Variants in CACNA1E observed in about 807,000 individuals in gnomAD.
CACNA1E encodes the protein voltage-dependent R-type calcium channel subunit alpha-1E.
A neutral mutation model predicts 259.2 loss-of-function variants in CACNA1E; 40 were observed. The observed-to-expected ratio is 0.15, with a 90% CI of 0.12 to 0.20. CACNA1E has a LOEUF of 0.20. Ranked by LOEUF, CACNA1E falls within the 10% of genes least tolerant of loss-of-function variation. CACNA1E has a pLI of 1.00. For synonymous variants in CACNA1E, 1,104 were observed against 1,138.5 expected (o/e 0.97, Z 0.61); for missense variants, 1,874 against 3,040.1 (o/e 0.62, Z 9.02).
intron 1 of CACNA1E, among the ~76,000 whole-genome samples, chr1:181,319,335 C>CT (rs1284927334): frequency 6.6e-6 from 1 of 152,200 alleles, no homozygotes; most frequent in Admixed American, 6.5e-5. Context: ...ATTACTTTAT[C>CT]TCCACTGAGG....
chr1:181,518,862 G>A (rs893308393), intron 3 of CACNA1E, among the ~76,000 whole-genome samples: 12 of 152,182 alleles, frequency 7.9e-5, no homozygotes, highest in Non-Finnish European at 1.6e-4. Flanking sequence ...AGAACTGAGT[G>A]GGGCCTGAAT....
At chr1:181,450,252 A>G (rs1661066856) in intron 2 of CACNA1E, among the ~76,000 whole-genome samples, 1 of 152,222 alleles carries the variant, frequency 6.6e-6, no homozygotes, top group East Asian at 1.9e-4. Context: ...CCCTCCCCCA[A>G]CATTGGGGAT....
At chr1:181,421,524 T>C (rs1182356191) in intron 2 of CACNA1E, among the ~76,000 whole-genome samples, 1 of 152,184 alleles carries the variant, frequency 6.6e-6, no homozygotes, top group Admixed American at 6.5e-5. Flanking sequence ...TTGTCTGGCA[T>C]CTCTGCACTG....
chr1:181,609,226 G>A (rs1313516981), intron 6 of CACNA1E, among the ~76,000 whole-genome samples: 1 of 152,192 alleles, frequency 6.6e-6, no homozygotes, highest in African/African-American at 2.4e-5. Flanking sequence ...AAATGCTGGC[G>A]GTGCCCCCTG....
intron 6 of CACNA1E, among the ~76,000 whole-genome samples, chr1:181,609,801 A>G (rs1382928082): frequency 6.6e-6 from 1 of 152,228 alleles, no homozygotes; most frequent in African/African-American, 2.4e-5. Context: ...ACTAAGGCTG[A>G]ACATGAGTAA....
chr1:181,553,852 C>T (rs192090491), intron 3 of CACNA1E, among the ~76,000 whole-genome samples: 6 of 152,174 alleles, frequency 3.9e-5, no homozygotes, highest in Admixed American at 1.3e-4. Flanking sequence ...GGGATAAAGC[C>T]GACTTGATCG....
intron 2 of CACNA1E, among the ~76,000 whole-genome samples, chr1:181,421,625 A>T (rs1658751863): frequency 6.6e-6 from 1 of 152,086 alleles, no homozygotes; most frequent in African/African-American, 2.4e-5. Flanking sequence ...ATTTTTCCTT[A>T]TCTCAGTAAA....
At chr1:181,717,803 T>A (rs1654043952) in intron 11 of CACNA1E, among the ~76,000 whole-genome samples, 1 of 152,134 alleles carries the variant, frequency 6.6e-6, no homozygotes, top group South Asian at 2.1e-4. Context: ...GAGGGCCCTC[T>A]ACCATATAAA....
At chr1:181,759,643 C>A (rs973612164) in intron 32 of CACNA1E, among the ~76,000 whole-genome samples, 1 of 152,218 alleles carries the variant, frequency 6.6e-6, no homozygotes. Context: ...CACCCTCCCC[C>A]CAACCTGCTT....
At chr1:181,599,073 G>A (rs1286293230) in intron 6 of CACNA1E, among the ~76,000 whole-genome samples, 1 of 152,032 alleles carries the variant, frequency 6.6e-6, no homozygotes, top group Non-Finnish European at 1.5e-5. Context: ...ACCAAGCCCA[G>A]CATCCACTAG....
intron 6 of CACNA1E, among the ~76,000 whole-genome samples, chr1:181,590,902 C>CT (rs1358336022): frequency 1.3e-5 from 2 of 152,108 alleles, no homozygotes; most frequent in Non-Finnish European, 2.9e-5. Context: ...TAAAATATAT[C>CT]TTTTAACTAC....
chr1:181,599,967 A>G (rs572618059), intron 6 of CACNA1E, among the ~76,000 whole-genome samples: 1 of 152,378 alleles, frequency 6.6e-6, no homozygotes, highest in Admixed American at 6.5e-5. Context: ...GATGATATCT[A>G]TTAAACAATT....
chr1:181,465,707 A>G (rs1662112426), intron 2 of CACNA1E, among the ~76,000 whole-genome samples: 1 of 151,862 alleles, frequency 6.6e-6, no homozygotes, highest in Non-Finnish European at 1.5e-5. Flanking sequence ...TTTTCATTTC[A>G]TTGCATTCTA....
intron 1 of CACNA1E, among the ~76,000 whole-genome samples, chr1:181,372,239 T>G (rs1654757727): frequency 6.6e-6 from 1 of 152,172 alleles, no homozygotes; most frequent in African/African-American, 2.4e-5. Context: ...CATAAAATAT[T>G]TTTTCCATTT....
rs371539286 is a variant in CACNA1E, at chr1:181,802,143, C to T, written c.*3309C>T. On this transcript the variant is annotated 3_prime_UTR_variant, in exon 48 of 48. Coordinates refer to ENST00000367573, the MANE Select transcript of CACNA1E (RefSeq NM_001205293.3). ...AGGGTCAACATAGAATTTCCTGCCC[C>T]GTGAAGGGCTGGCACCAGCTAGCAT... is the stretch of plus-strand genomic sequence containing the variant. 6 of 152,334 alleles carry T rather than the reference C, an allele frequency of 3.9e-5. No homozygotes were observed. Among genetic ancestry groups the T allele is most frequent in the Non-Finnish European group, 8.8e-5 (6 of 68,044 alleles). 9.4% of individuals were successfully genotyped at this position (152,334 alleles called of 1,614,324 possible).
intron 2 of CACNA1E, among the ~76,000 whole-genome samples, chr1:181,438,660 C>T (rs1161017317): frequency 6.6e-6 from 1 of 152,078 alleles, no homozygotes; most frequent in Non-Finnish European, 1.5e-5. Flanking sequence ...ATGAGAATGG[C>T]AAAATTCAGA....
intron 37 of CACNA1E, among the ~76,000 whole-genome samples, chr1:181,775,433 A>T (rs1449864665): frequency 6.6e-6 from 1 of 152,168 alleles, no homozygotes; most frequent in East Asian, 1.9e-4. Flanking sequence ...GAGTACTGCA[A>T]CATCCTCCCT....
Position 181,732,948 on chromosome 1 carries a change from T to C in CACNA1E, c.2862T>C (p.Thr954=). ...QERSLDEAMP[T]EGEKDHELRG... ...GCAGTCTGGATGAAGCCATGCCCACTGAAGGGGAGAAGGACCATGAGCTCA... is the reference window on the plus strand; with the variant it reads ...GCAGTCTGGATGAAGCCATGCCCACCGAAGGGGAGAAGGACCATGAGCTCA... Residue 954 remains threonine (T), a synonymous_variant, in exon 20 of 48, where the codon ACT becomes ACC. Coordinates refer to ENST00000367573, the MANE Select transcript of CACNA1E (RefSeq NM_001205293.3). The surrounding 1 kb of genome is among the most constrained non-coding windows in gnomAD (Gnocchi z 5.5). 6.2e-7 allele frequency: 1 copy of C among 1,613,966 alleles called. No homozygotes were observed. The highest frequency in any genetic ancestry group is 8.5e-7 in the Non-Finnish European group (1 of 1,179,870).
chr1:181,337,595 T>C (rs1470772702), intron 1 of CACNA1E, among the ~76,000 whole-genome samples: 1 of 152,246 alleles, frequency 6.6e-6, no homozygotes, highest in Admixed American at 6.5e-5. Flanking sequence ...AGATTCCACA[T>C]GTAAGTGAGA....
Sources: allele counts gnomAD v4.1 joint callset (sites outside exome capture counted in the v4.1 genomes callset), GRCh38; gene constraint gnomAD v4.1.1; non-coding constraint Gnocchi (gnomAD v3.1); transcripts MANE v1.5; gene names NCBI Gene and HGNC (gene_info 2026-07-23, HGNC 2026-07-21).